The following COCH variants were observed in gnomAD, a reference collection of about 807,000 sequenced individuals.
The protein encoded by COCH is cochlin.
COCH carries 40 observed loss-of-function variants against 54.8 expected under a neutral mutation model. The observed-to-expected ratio is 0.73, with a 90% CI of 0.57 to 0.95. The LOEUF (loss-of-function observed/expected upper bound fraction) is 0.95. Among genes scored for constraint, COCH ranks in the 40% least tolerant of loss-of-function variants. The probability of loss-of-function intolerance (pLI) is 0.00; values close to 1 mark genes in which losing one functional copy is unlikely to be tolerated. For missense variants in COCH, 605 were observed against 675.0 expected, an observed-to-expected ratio of 0.90 and a Z score of 1.15; for synonymous variants, 256 against 237.9, an observed-to-expected ratio of 1.08 and a Z score of -0.70.
Position 30,878,894 on chromosome 14 carries a change from G to C in COCH, c.323G>C (p.Gly108Ala). 1 of 1,614,104 alleles carries C rather than the reference G, an allele frequency of 6.2e-7. No homozygotes were observed. The highest frequency in any genetic ancestry group is 8.5e-7 in the Non-Finnish European group (1 of 1,180,008). The change falls in exon 5 of 12, where the codon GGC becomes GCC. Residue 108 changes from glycine (G) to alanine (A), a missense_variant. Physicochemically the swap from Gly to Ala is moderately conservative, Grantham distance 60 (BLOSUM62 0). Coordinates refer to ENST00000396618, the MANE Select transcript of COCH (RefSeq NM_004086.3). ...AACTATTCCTCAGTAGATGCCAATG[G>C]CATCCAGTCTCAAATGCTTTCTAGA... Reference protein sequence around the residue: ...RENYSSVDANGIQSQMLSRWS... With the variant: ...RENYSSVDANAIQSQMLSRWS...
At chr14:30,874,865 G>T in intron 1 of COCH, 51 bp from the exon 2 acceptor site, 2 of 1,558,968 alleles carry the variant, frequency 1.3e-6, no homozygotes, top group Non-Finnish European at 1.8e-6. Flanking sequence ...AGGAGGTGAC[G>T]CGCGGGGCCT....
At chr14:30,884,759 C>T in intron 9 of COCH, 103 bp downstream of exon 9, 2 of 1,279,368 alleles carry the variant, frequency 1.6e-6, no homozygotes, top group South Asian at 2.6e-5. Context: ...ATGTGAAATC[C>T]TCCTGGAACT....
rs1311981990 is a variant in COCH, at chr14:30,886,037, A to G, written c.1202A>G (p.Asp401Gly). Residue 401 changes from aspartate (D) to glycine (G), a missense_variant, in exon 11 of 12, where the codon GAC becomes GGC. Asp to Gly is a moderately conservative substitution (Grantham distance 94). Coordinates refer to ENST00000396618, the MANE Select transcript of COCH (RefSeq NM_004086.3). ...ATAGCCAAGACTTTTGAAATCTCGG[A>G]CATTGGTGCCAAGATAGCTGCTGTA... ...SNIAKTFEISDIGAKIAAVQF... is the reference protein window; with the variant it reads ...SNIAKTFEISGIGAKIAAVQF... The G allele has an allele frequency of 6.2e-7, 1 of 1,614,252 alleles. No homozygotes were observed.
chr14:30,884,656 G>A lies in COCH; in HGVS notation c.733G>A (p.Gly245Arg). The A allele has an allele frequency of 6.3e-7, 1 of 1,596,168 alleles. No individual in the cohort carries two copies. Among genetic ancestry groups the A allele is most frequent in the African/African-American group, 1.3e-5 (1 of 74,594 alleles). The change falls in exon 9 of 12, where the codon GGA becomes AGA. Residue 245 changes from glycine to arginine, a missense_variant and splice_region_variant. Physicochemically the swap from Gly to Arg is moderately radical, Grantham distance 125. Coordinates refer to ENST00000396618, the MANE Select transcript of COCH (RefSeq NM_004086.3). ...VGFRGGNSNTGKALKHTAQKF... is the reference protein window; with the variant it reads ...VGFRGGNSNTRKALKHTAQKF... ...TTTCAGAGGGGGTAATTCCAATACA[G>A]GTAAGTAGACTTTGATACCTGGGAT...
downstream of COCH, chr14:30,894,925 A>G: frequency 9.0e-7 from 1 of 1,108,306 alleles, no homozygotes; most frequent in African/African-American, 1.7e-5. Flanking sequence ...AAATAAGTTT[A>G]AAAGGGAATC....
chr14:30,886,321 C>A lies in COCH; in HGVS notation c.1477+9C>A, dbSNP rs17097458. On this transcript the variant is annotated intron_variant, in intron 11 of 11. Transcript: ENST00000396618. ...TGCTGCACATGATGCAGGTAAGGTCCTTGTTCTTTATAGGAGAAGGGAACA... is the reference window on the plus strand; with the variant it reads ...TGCTGCACATGATGCAGGTAAGGTCATTGTTCTTTATAGGAGAAGGGAACA... The A allele has an allele frequency of 0.059, 94,585 of 1,613,692 alleles. 3,469 individuals are homozygous for A. Among genetic ancestry groups the A allele is most frequent in the East Asian group, 0.17 (7,723 of 44,868 alleles).
In COCH at chr14:30,889,774, T is replaced by C. The variant is rs771372583; in HGVS notation, c.1636T>C (p.Leu546=). ...CATCAGAGGCATTTGTAGAGATTTCTTAGAATCCCAGCAATAATGGTAACA... is the reference window on the plus strand; with the variant it reads ...CATCAGAGGCATTTGTAGAGATTTCCTAGAATCCCAGCAATAATGGTAACA... ...DVIRGICRDF[L]ESQQ is the part of the protein sequence containing the mutation. The change falls in exon 12 of 12, where the codon TTA becomes CTA. Residue 546 remains leucine (L), a synonymous_variant. Transcript: ENST00000396618. 6 of 1,609,664 alleles carry C rather than the reference T, an allele frequency of 3.7e-6. No individual in the cohort carries two copies. The Admixed American group carries it at 5.0e-5, about 13-fold the overall frequency.
chr14:30,877,187 C>T lies in COCH; in HGVS notation c.83-385C>T. On this transcript the variant is annotated intron_variant, in intron 3 of 11. Transcript: ENST00000396618. This position sits in a 1 kb window ranked among gnomAD's most constrained non-coding sequence, Gnocchi z 8.6. Reference sequence around the variant, plus strand: ...AGATATAGTTCCAATTATGTATTTCCAACCTGGTTAAGAACTGAGAAGCCA... The same window carrying T: ...AGATATAGTTCCAATTATGTATTTCTAACCTGGTTAAGAACTGAGAAGCCA... 5.0e-6 allele frequency: 1 copy of T among 199,474 alleles called. No individual in the cohort carries two copies. Among genetic ancestry groups the T allele is most frequent in the Non-Finnish European group, 1.0e-5 (1 of 97,418 alleles). 12.4% of individuals were successfully genotyped at this position (199,474 alleles called of 1,614,324 possible). A position where few individuals can be genotyped will look rare whatever the true frequency, so the allele number is the denominator to read the frequency against.
At chr14:30,880,876 C>A in intron 8 of COCH, 142 bp downstream of exon 8, 1 of 704,122 alleles carries the variant, frequency 1.4e-6, no homozygotes, top group South Asian at 1.6e-5. Context: ...ATTAGCATAT[C>A]CATCACCTCA....
Position 30,889,869 on chromosome 14 carries a change from C to T in COCH, c.*78C>T. 6.6e-7 allele frequency: 1 copy of T among 1,523,182 alleles called. No individual in the cohort carries two copies. Among genetic ancestry groups the T allele is most frequent in the South Asian group, 1.3e-5 (1 of 76,924 alleles). The allele number at this position is 1,523,182 out of a possible 1,614,324, so 94.4% of individuals were successfully genotyped here. A position where few individuals can be genotyped will look rare whatever the true frequency, so the allele number is the denominator to read the frequency against. ...ATTGTATTCTCATAATACTGAAATG[C>T]TTTAGCATACTAGAATCAGATACAA... On this transcript the variant is annotated 3_prime_UTR_variant, in exon 12 of 12. Coordinates refer to ENST00000396618, the MANE Select transcript of COCH (RefSeq NM_004086.3).
downstream of COCH, among the ~76,000 whole-genome samples, chr14:30,892,554 A>T (rs541351973): frequency 5.1e-4 from 77 of 152,334 alleles, no homozygotes; most frequent in Admixed American, 5.9e-4. Flanking sequence ...AATCCCAGCC[A>T]GCACTTTGGG....
In COCH at chr14:30,889,875, C is replaced by T; in HGVS notation, c.*84C>T. 1 of 1,515,076 alleles carries T rather than the reference C, an allele frequency of 6.6e-7. No homozygotes were observed. Among genetic ancestry groups the T allele is most frequent in the Non-Finnish European group, 8.8e-7 (1 of 1,131,528 alleles). 93.9% of individuals were successfully genotyped at this position (1,515,076 alleles called of 1,614,324 possible). On this transcript the variant is annotated 3_prime_UTR_variant, in exon 12 of 12. Transcript: ENST00000396618. Reference sequence around the variant, plus strand: ...TTCTCATAATACTGAAATGCTTTAGCATACTAGAATCAGATACAAAACTAT... The same window carrying T: ...TTCTCATAATACTGAAATGCTTTAGTATACTAGAATCAGATACAAAACTAT...
chr14:30,877,515 C>A lies in COCH; in HGVS notation c.83-57C>A. ...TAAATCTCACACTGTAGTCTCCCCA[C>A]CACTATGCCCCAAGAAGTCCTAAGA... is the stretch of plus-strand genomic sequence containing the variant. On this transcript the variant is annotated intron_variant, in intron 3 of 11. Coordinates refer to ENST00000396618, the MANE Select transcript of COCH (RefSeq NM_004086.3). The surrounding 1 kb of genome is among the most constrained non-coding windows in gnomAD (Gnocchi z 8.6). 1 of 1,602,474 alleles carries A rather than the reference C, an allele frequency of 6.2e-7. No homozygotes were observed.
At chr14:30,883,325 G>C (rs1895677800) in intron 8 of COCH, among the ~76,000 whole-genome samples, 1 of 151,920 alleles carries the variant, frequency 6.6e-6, no homozygotes, top group Non-Finnish European at 1.5e-5. Context: ...TGACTACTTT[G>C]ACCCAATTCT....
At chr14:30,881,325 T>C (rs1259425569) in intron 8 of COCH, among the ~76,000 whole-genome samples, 1 of 152,180 alleles carries the variant, frequency 6.6e-6, no homozygotes, top group Non-Finnish European at 1.5e-5. Context: ...GTATAAACAT[T>C]TGAGTTATGG....
intron 9 of COCH, chr14:30,884,946 A>G (rs548206246): frequency 1.3e-6 from 2 of 1,598,262 alleles, no homozygotes; most frequent in Admixed American, 3.3e-5. Flanking sequence ...GTAATGCTAA[A>G]AAGAAGTGAA....
intron 11 of COCH, among the ~76,000 whole-genome samples, chr14:30,888,378 A>G (rs1342659025): frequency 1.3e-5 from 2 of 152,190 alleles, no homozygotes; most frequent in Admixed American, 1.3e-4. Context: ...ACTGTATACC[A>G]CTAGAAGGGG....
At chr14:30,887,991 T>C (rs1895848939) in intron 11 of COCH, among the ~76,000 whole-genome samples, 1 of 152,176 alleles carries the variant, frequency 6.6e-6, no homozygotes, top group Non-Finnish European at 1.5e-5. Flanking sequence ...CAATATTGAT[T>C]CGTGAAAATT....
At chr14:30,875,216 A>G in intron 3 of COCH, 113 bp downstream of exon 3, 1 of 1,426,422 alleles carries the variant, frequency 7.0e-7, no homozygotes, top group East Asian at 2.5e-5. Context: ...CTGAGGAGGA[A>G]GGCGCGAAGG....
Sources: gnomAD v4.1 joint callset for allele counts (sites outside exome capture counted in the v4.1 genomes callset) on GRCh38, gnomAD v4.1.1 for gene constraint, Gnocchi (gnomAD v3.1) non-coding constraint, MANE v1.5 for transcripts, NCBI Gene and HGNC (gene_info 2026-07-23, HGNC 2026-07-21) for gene names.